ALDH1A2: variants seen among roughly 807,000 people sequenced by gnomAD.
ALDH1A2 encodes the protein aldehyde dehydrogenase 1 family member A2.
Under a neutral mutation model 60.3 loss-of-function variants are expected in ALDH1A2, and 27 were observed. The observed-to-expected ratio is 0.45, with a 90% CI of 0.33 to 0.62. The LOEUF (loss-of-function observed/expected upper bound fraction) is 0.62, where lower values mean the gene tolerates loss of function less well. Among genes scored for constraint, ALDH1A2 ranks in the 20% least tolerant of loss-of-function variants. The pLI is 0.02. For missense variants in ALDH1A2, 581 were observed against 643.8 expected (o/e 0.90, Z 1.06); for synonymous variants, 289 against 232.4 (o/e 1.24, Z -2.21).
intron 1 of ALDH1A2, among the ~76,000 whole-genome samples, chr15:58,035,605 TAA>T (rs2140548243): frequency 6.6e-6 from 1 of 151,852 alleles, no homozygotes; most frequent in Non-Finnish European, 1.5e-5. Context: ...ACAAATTTTT[TAA>T]GTTGTATTTT....
intron 7 of ALDH1A2, among the ~76,000 whole-genome samples, chr15:57,974,904 A>G (rs1894195819): frequency 6.6e-6 from 1 of 152,272 alleles, no homozygotes; most frequent in African/African-American, 2.4e-5. Flanking sequence ...GCTTGTCTCC[A>G]AAGTGTGCAA....
At chr15:58,012,486 C>T (rs1895661501) in intron 3 of ALDH1A2, among the ~76,000 whole-genome samples, 1 of 152,116 alleles carries the variant, frequency 6.6e-6, no homozygotes, top group South Asian at 2.1e-4. Flanking sequence ...GGTGATGAGA[C>T]TCAAATAAGC....
At chr15:57,976,450 TG>T (rs1300596735) in intron 7 of ALDH1A2, among the ~76,000 whole-genome samples, 1 of 152,204 alleles carries the variant, frequency 6.6e-6, no homozygotes. Context: ...CGGTGTGTGA[TG>T]TTCCCCTCCC....
In ALDH1A2 at chr15:58,024,161, C is replaced by T. The variant is rs575982913; in HGVS notation, c.118-9880G>A. On this transcript the variant is annotated intron_variant, in intron 1 of 12. Coordinates refer to ENST00000249750, the MANE Select transcript of ALDH1A2 (RefSeq NM_003888.4). ...AAAACTCATTTGTAAAGTAATCACA[C>T]AAAGGAGGAAGAGAAAAGACTCAAA... Among the ~76,000 whole-genome samples, 62 of 129,618 alleles carry T rather than the reference C, an allele frequency of 4.8e-4. No homozygotes were observed. The South Asian group carries it at 7.2e-3, about 15-fold the overall frequency. The allele number at this position is 129,618 out of a possible 152,430, so 85.0% of individuals were successfully genotyped here.
intron 7 of ALDH1A2, among the ~76,000 whole-genome samples, chr15:57,970,368 G>C (rs1186705831): frequency 6.6e-6 from 1 of 152,136 alleles, no homozygotes; most frequent in Non-Finnish European, 1.5e-5. Context: ...AATGAAACTG[G>C]GCTAATTCTC....
At chr15:58,009,487 A>G (rs536148551) in intron 4 of ALDH1A2, among the ~76,000 whole-genome samples, 2 of 151,756 alleles carry the variant, frequency 1.3e-5, no homozygotes, top group African/African-American at 4.8e-5. Flanking sequence ...CGAAGTCCTG[A>G]GCATTACTTT....
intron 2 of ALDH1A2, 72 bp downstream of exon 2, chr15:58,014,105 A>C: frequency 6.2e-7 from 1 of 1,613,992 alleles, no homozygotes; most frequent in Non-Finnish European, 8.5e-7. Context: ...GTGTACTGAG[A>C]GCATATGTTT....
At chr15:57,985,984 A>G (rs1321667665) in intron 7 of ALDH1A2, among the ~76,000 whole-genome samples, 2 of 152,202 alleles carry the variant, frequency 1.3e-5, no homozygotes, top group Non-Finnish European at 2.9e-5. Flanking sequence ...CTTTGGTTTG[A>G]CCAACTGAAG....
intron 1 of ALDH1A2, among the ~76,000 whole-genome samples, chr15:58,028,634 T>C (rs1340669266): frequency 6.6e-6 from 1 of 152,128 alleles, no homozygotes; most frequent in Non-Finnish European, 1.5e-5. Context: ...GACCCATAAG[T>C]ATGCTGTATT....
chr15:57,988,256 GTATT>G (rs1477717298), intron 7 of ALDH1A2, among the ~76,000 whole-genome samples: 1 of 152,178 alleles, frequency 6.6e-6, no homozygotes, highest in Non-Finnish European at 1.5e-5. Flanking sequence ...GTAACATAAA[GTATT>G]TAATGGTAGA....
At chr15:58,040,517 G>A (rs1247187572) in intron 1 of ALDH1A2, among the ~76,000 whole-genome samples, 10 of 151,872 alleles carry the variant, frequency 6.6e-5, no homozygotes, top group African/African-American at 7.2e-5. Context: ...ACAAATCTAC[G>A]ATGTAGGCAT....
chr15:58,058,074 A>G (rs1312111561), intron 1 of ALDH1A2: 9 of 1,532,142 alleles, frequency 5.9e-6, no homozygotes, highest in Admixed American at 2.0e-5. Flanking sequence ...ATCTTCTCCC[A>G]AAAAGGATTC....
At chr15:57,969,139 C>A (rs1393908778) in intron 7 of ALDH1A2, among the ~76,000 whole-genome samples, 1 of 152,176 alleles carries the variant, frequency 6.6e-6, no homozygotes, top group Non-Finnish European at 1.5e-5. Flanking sequence ...CAGGACAGGA[C>A]ACTCCTAAAC....
At chr15:58,029,213 A>G (rs1243794728) in intron 1 of ALDH1A2, among the ~76,000 whole-genome samples, 1 of 152,232 alleles carries the variant, frequency 6.6e-6, no homozygotes, top group African/African-American at 2.4e-5. Flanking sequence ...CCACAGTGCA[A>G]TCAAATTAGA....
chr15:57,973,220 T>C (rs1293625345), intron 7 of ALDH1A2, among the ~76,000 whole-genome samples: 2 of 152,246 alleles, frequency 1.3e-5, no homozygotes, highest in Non-Finnish European at 2.9e-5. Flanking sequence ...AAGTTGTTTA[T>C]TGACTTGTGT....
intron 7 of ALDH1A2, among the ~76,000 whole-genome samples, chr15:57,983,375 G>C (rs536177541): frequency 4.6e-5 from 7 of 152,006 alleles, no homozygotes; most frequent in Non-Finnish European, 1.0e-4. Context: ...TCCTTTCCTC[G>C]AATTTCTTTT....
At chr15:58,033,366 T>C (rs920945840) in intron 1 of ALDH1A2, among the ~76,000 whole-genome samples, 16 of 152,014 alleles carry the variant, frequency 1.1e-4, no homozygotes, top group African/African-American at 3.9e-4. Context: ...TTAGTTCTAG[T>C]TGATTAAAGT....
intron 7 of ALDH1A2, among the ~76,000 whole-genome samples, chr15:57,983,543 G>C (rs962335106): frequency 2.0e-5 from 3 of 152,082 alleles, no homozygotes; most frequent in African/African-American, 7.2e-5. Flanking sequence ...TTTTATCTTT[G>C]AATAAAGTAG....
intron 1 of ALDH1A2, chr15:58,014,628 TAA>T (rs1895738107): frequency 2.3e-6 from 1 of 437,690 alleles, no homozygotes; most frequent in Admixed American, 2.6e-5. Context: ...CCATGAGGGT[TAA>T]ATAGCAGATC....
Sources: allele counts gnomAD v4.1 joint callset (sites outside exome capture counted in the v4.1 genomes callset), GRCh38; gene constraint gnomAD v4.1.1; transcripts MANE v1.5; gene names NCBI Gene and HGNC (gene_info 2026-07-23, HGNC 2026-07-21).